The following XPNPEP1 variants were observed in gnomAD, a reference collection of about 807,000 sequenced individuals.
XPNPEP1 encodes the protein X-prolyl aminopeptidase 1.
Under a neutral mutation model 92.4 loss-of-function variants are expected in XPNPEP1, and 39 were observed. That is an observed-to-expected ratio of 0.42 (90% CI 0.33 to 0.55). XPNPEP1 has a LOEUF of 0.55. Ranked by LOEUF, XPNPEP1 falls within the 20% of genes least tolerant of loss-of-function variation. XPNPEP1 has a pLI of 0.08. For synonymous variants in XPNPEP1, 307 were observed against 299.4 expected, an observed-to-expected ratio of 1.03 and a Z score of -0.26; for missense variants, 654 against 856.1, an observed-to-expected ratio of 0.76 and a Z score of 2.95.
chr10:109,904,017 G>C (rs950848526), intron 3 of XPNPEP1, among the ~76,000 whole-genome samples: 3 of 151,344 alleles, frequency 2.0e-5, no homozygotes, highest in African/African-American at 7.3e-5. Flanking sequence ...GCTAATTTTT[G>C]TATTTTTTGG....
intron 7 of XPNPEP1, among the ~76,000 whole-genome samples, chr10:109,886,741 C>T (rs1468268067): frequency 6.6e-6 from 1 of 152,210 alleles, no homozygotes; most frequent in Non-Finnish European, 1.5e-5. Context: ...ACTGTAAATA[C>T]TGATGCAACA....
At position 109,877,659 on chromosome 10, in the gene XPNPEP1, C is replaced by T. The variant is rs1250280683; in HGVS notation, c.1319+131G>A. The T allele has an allele frequency of 1.0e-5, 12 of 1,154,218 alleles. No homozygotes were observed. In the East Asian group the frequency reaches 2.8e-4, roughly 27 times the overall value. The allele number at this position is 1,154,218 out of a possible 1,614,324, so 71.5% of individuals were successfully genotyped here. A position where few individuals can be genotyped will look rare whatever the true frequency, so the allele number is the denominator to read the frequency against. On this transcript the variant is annotated intron_variant, in intron 14 of 20. Coordinates refer to ENST00000502935, the MANE Select transcript of XPNPEP1 (RefSeq NM_020383.4). ...ATAAAATCTTAGAAGTCTTATTTCC[C>T]TTCATTTTACAGTCTCAACAGACAG...
intron 3 of XPNPEP1, among the ~76,000 whole-genome samples, chr10:109,897,681 T>C (rs954782312): frequency 6.7e-6 from 1 of 148,256 alleles, no homozygotes; most frequent in African/African-American, 2.5e-5. Flanking sequence ...TAAGATGGGG[T>C]CTTGCTTTGT....
At chr10:109,875,665 A>G in intron 14 of XPNPEP1, 66 bp from the exon 15 acceptor site, 2 of 1,419,252 alleles carry the variant, frequency 1.4e-6, no homozygotes, top group Non-Finnish European at 2.0e-6. Context: ...TGGGAGGAGG[A>G]CACACAAGAG....
chr10:109,868,560 G>C (rs2133345322), intron 20 of XPNPEP1, 54 bp downstream of exon 20: 1 of 1,386,378 alleles, frequency 7.2e-7, no homozygotes, highest in Non-Finnish European at 1.0e-6. Flanking sequence ...AACTATTTAA[G>C]GTAGTCTCCA....
intron 9 of XPNPEP1, among the ~76,000 whole-genome samples, chr10:109,883,637 G>A (rs556706755): frequency 6.6e-6 from 1 of 152,292 alleles, no homozygotes; most frequent in East Asian, 1.9e-4. Flanking sequence ...GAACAGTAAT[G>A]AAAAGAAGGC....
At chr10:109,896,091 C>T (rs145539798) in intron 3 of XPNPEP1, among the ~76,000 whole-genome samples, 24 of 152,246 alleles carry the variant, frequency 1.6e-4, no homozygotes, top group Non-Finnish European at 2.9e-4. Context: ...AAGGCCTTGG[C>T]ACATGTGCTT....
At chr10:109,877,011 G>C (rs946445905) in intron 14 of XPNPEP1, 5 of 152,372 alleles carry the variant, frequency 3.3e-5, no homozygotes, top group Middle Eastern at 3.4e-3. Flanking sequence ...TCAGGCTCAG[G>C]GGGACAGGAA....
At chr10:109,876,775 A>C (rs1469221479) in intron 14 of XPNPEP1, 1 of 152,244 alleles carries the variant, frequency 6.6e-6, no homozygotes, top group Non-Finnish European at 1.5e-5. Context: ...GATGCACAGA[A>C]CTCAAAATAC....
chr10:109,895,584 T>C (rs1848944704), intron 3 of XPNPEP1, among the ~76,000 whole-genome samples: 2 of 152,228 alleles, frequency 1.3e-5, no homozygotes, highest in African/African-American at 2.4e-5. Context: ...TGACAGGCTA[T>C]GCAGAAGCCA....
Position 109,877,889 on chromosome 10 carries a change from C to T in XPNPEP1, c.1242-22G>A, listed in dbSNP as rs375973064. 4 of 1,614,102 alleles carry T rather than the reference C, an allele frequency of 2.5e-6. No individual in the cohort carries two copies. The African/African-American group carries it at 4.0e-5, about 16-fold the overall frequency. ...TTGCCTGTAACAGAAAGACAGAAAG[C>T]AGAGTGGCTTAAAGGTTTTTACTGT... On this transcript the variant is annotated intron_variant, in intron 13 of 20. Coordinates refer to ENST00000502935, the MANE Select transcript of XPNPEP1 (RefSeq NM_020383.4).
At chr10:109,871,577 A>G (rs1847475707) in intron 17 of XPNPEP1, among the ~76,000 whole-genome samples, 2 of 152,152 alleles carry the variant, frequency 1.3e-5, no homozygotes, top group Non-Finnish European at 2.9e-5. Context: ...AGAATGGTGC[A>G]CAGGGGGTAC....
In XPNPEP1 at chr10:109,870,011, T is replaced by A; in HGVS notation, c.1715A>T (p.Asp572Val). The change falls in exon 19 of 21, where the codon GAT (aspartate) becomes GTT (valine). Residue 572 changes from aspartate (D) to valine (V), a missense_variant. By Grantham distance (152) the Asp-to-Val change is radical. Transcript: ENST00000502935. Reference protein sequence around the residue: ...IVTDEPGYYEDGAFGIRIENV... With the variant: ...IVTDEPGYYEVGAFGIRIENV... ...CTCAATGCGAATTCCAAAAGCCCCA[T>A]CTTCATAGTACCCGGGCTCTAAAAC... 1 of 1,614,106 alleles carries A rather than the reference T, an allele frequency of 6.2e-7. No homozygotes were observed. The highest frequency in any genetic ancestry group is 8.5e-7 in the Non-Finnish European group (1 of 1,180,008).
intron 7 of XPNPEP1, among the ~76,000 whole-genome samples, chr10:109,887,272 T>C (rs900087755): frequency 6.6e-5 from 10 of 152,148 alleles, no homozygotes; most frequent in African/African-American, 2.4e-4. Flanking sequence ...ACTGGACCCA[T>C]CCTCCCCATT....
intron 2 of XPNPEP1, among the ~76,000 whole-genome samples, chr10:109,908,921 C>T (rs1453005010): frequency 6.6e-6 from 1 of 152,198 alleles, no homozygotes; most frequent in African/African-American, 2.4e-5. Context: ...TACCAACCAG[C>T]TGTGCAAGGG....
At chr10:109,909,565 T>C (rs747047780) in intron 2 of XPNPEP1, among the ~76,000 whole-genome samples, 6 of 152,230 alleles carry the variant, frequency 3.9e-5, no homozygotes, top group Non-Finnish European at 8.8e-5. Flanking sequence ...TTAACCACTT[T>C]AGTTGGTTCT....
intron 2 of XPNPEP1, among the ~76,000 whole-genome samples, chr10:109,914,132 T>C (rs956434540): frequency 3.3e-5 from 5 of 151,372 alleles, no homozygotes; most frequent in African/African-American, 1.2e-4. Context: ...GTTAGAGCAG[T>C]ACTGGCTTAC....
At chr10:109,919,087 ACTT>A (rs1850382417) in intron 1 of XPNPEP1, among the ~76,000 whole-genome samples, 1 of 152,226 alleles carries the variant, frequency 6.6e-6, no homozygotes, top group Non-Finnish European at 1.5e-5. Flanking sequence ...TTAGGCAATG[ACTT>A]CTTTAGACAC....
chr10:109,909,524 C>T (rs1239491214), intron 2 of XPNPEP1, among the ~76,000 whole-genome samples: 1 of 152,224 alleles, frequency 6.6e-6, no homozygotes, highest in African/African-American at 2.4e-5. Flanking sequence ...CTTGTACTCA[C>T]TTAGTGGAAG....
Sources: gnomAD v4.1 joint callset for allele counts (sites outside exome capture counted in the v4.1 genomes callset) on GRCh38, gnomAD v4.1.1 for gene constraint, MANE v1.5 for transcripts, NCBI Gene and HGNC (gene_info 2026-07-23, HGNC 2026-07-21) for gene names.